The following POLE variants were observed in gnomAD, a reference collection of about 807,000 sequenced individuals.
POLE encodes DNA polymerase epsilon, catalytic subunit, also known as DNA polymerase epsilon catalytic subunit A.
Under a neutral mutation model 279.2 loss-of-function variants are expected in POLE, and 188 were observed. That is an observed-to-expected ratio of 0.67 (90% CI 0.60 to 0.76). The LOEUF (loss-of-function observed/expected upper bound fraction) is 0.76. Among genes scored for constraint, POLE ranks in the 30% least tolerant of loss-of-function variants. POLE has a pLI of 0.00. For missense variants in POLE, 2,703 were observed against 3,016.7 expected (o/e 0.90, Z 2.44); for synonymous variants, 1,214 against 1,172.5 (o/e 1.04, Z -0.72).
At chr12:132,653,281 G>T (rs932880914) in intron 29 of POLE, among the ~76,000 whole-genome samples, 6 of 152,164 alleles carry the variant, frequency 3.9e-5, no homozygotes, top group African/African-American at 1.4e-4. Context: ...AGGCTGAGGT[G>T]GGAGGATAAC....
chr12:132,637,950 G>A, intron 41 of POLE, 64 bp downstream of exon 41: 1 of 1,582,634 alleles, frequency 6.3e-7, no homozygotes, highest in Non-Finnish European at 8.6e-7. Context: ...TGGCACCTCA[G>A]GGGGTCATTT....
intron 1 of POLE, among the ~76,000 whole-genome samples, chr12:132,685,234 G>A (rs932655426): frequency 1.7e-4 from 25 of 149,880 alleles, no homozygotes; most frequent in Non-Finnish European, 3.2e-4. Context: ...GTATCACACC[G>A]TCCCAGTACT....
intron 38 of POLE, 79 bp downstream of exon 38, chr12:132,642,098 A>T: frequency 1.6e-6 from 2 of 1,270,138 alleles, no homozygotes; most frequent in Non-Finnish European, 2.2e-6. Context: ...CATCCTCGGC[A>T]CTATTGCCTT....
Position 132,642,738 on chromosome 12 carries a change from AG to A in POLE, c.4729-10del, listed in dbSNP as rs2042178117. 6.2e-7 allele frequency: 1 copy of A among 1,613,448 alleles called. No individual in the cohort carries two copies. Among genetic ancestry groups the A allele is most frequent in the Non-Finnish European group, 8.5e-7 (1 of 1,179,780 alleles). ...GGCCCCCGGCGCTCCTCCTGGGTCAAGGCAAAATGGAAGAAAAGACCTGGGT... is the reference window on the plus strand; with the variant it reads ...GGCCCCCGGCGCTCCTCCTGGGTCAAGCAAAATGGAAGAAAAGACCTGGGT... On this transcript the variant is annotated splice_polypyrimidine_tract_variant and intron_variant, in intron 36 of 48. Coordinates refer to ENST00000320574, the MANE Select transcript of POLE (RefSeq NM_006231.4).
Position 132,661,680 on chromosome 12 carries a change from C to A in POLE, c.2711G>T (p.Gly904Val), listed in dbSNP as rs1332965505. The part of the protein sequence containing the change: ...GAMLNIMVKE[G>V]FTNDQYQELA... ...CTCCTGGTACTGGTCATTGGTGAAG[C>A]CTTCCTGAGAAACAAGAGTGAAGAG... is the stretch of plus-strand genomic sequence containing the variant. Residue 904 changes from glycine (G) to valine (V), a missense_variant, in exon 24 of 49, where the codon GGC becomes GTC. By Grantham distance (109) the Gly-to-Val change is moderately radical. Transcript: ENST00000320574. This position sits in a 1 kb window ranked among gnomAD's most constrained non-coding sequence, Gnocchi z 4.1. The A allele has an allele frequency of 1.9e-6, 3 of 1,613,600 alleles. No individual in the cohort carries two copies. The highest frequency in any genetic ancestry group is 1.1e-5 in the South Asian group (1 of 90,960).
Position 132,639,441 on chromosome 12 carries a change from C to T in POLE, c.5379-143G>A. The T allele has an allele frequency of 2.9e-6, 2 of 684,200 alleles. No homozygotes were observed. 42.4% of individuals were successfully genotyped at this position (684,200 alleles called of 1,614,324 possible). ...ACTGTCGCCTCCCCTTCTCACTGTC[C>T]CCACCTTAAGTCACGGTCCAAATTT... On this transcript the variant is annotated intron_variant, in intron 39 of 48. Coordinates refer to ENST00000320574, the MANE Select transcript of POLE (RefSeq NM_006231.4). The surrounding 1 kb of genome is among the most constrained non-coding windows in gnomAD (Gnocchi z 4.7).
intron 16 of POLE, among the ~76,000 whole-genome samples, chr12:132,670,981 G>C (rs971146568): frequency 1.3e-5 from 2 of 152,128 alleles, no homozygotes; most frequent in South Asian, 2.1e-4. Context: ...TGTTTCTTGA[G>C]GGCAGGCACA....
chr12:132,624,462 C>T lies in POLE; in HGVS notation c.*235G>A, dbSNP rs2041789249. On this transcript the variant is annotated 3_prime_UTR_variant, in exon 49 of 49. Transcript: ENST00000320574. ...AGGGCACTCGCAGCCTCGCTCACGG[C>T]CTGCTTCTTCAGGTGCTCTGGCGAG... The T allele has an allele frequency of 1.7e-6, 1 of 584,138 alleles. No individual in the cohort carries two copies. The highest frequency in any genetic ancestry group is 1.9e-5 in the African/African-American group (1 of 53,720). The allele number at this position is 584,138 out of a possible 1,614,324, so 36.2% of individuals were successfully genotyped here.
rs1163439895 is a variant in POLE at position 132,639,964 on chromosome 12, A to G, written c.5379-666T>C. ...TGTCTCAAAAAACAAAAACAAAACA[A>G]AACAAAACAAAACAAAACAAAACAA... On this transcript the variant is annotated intron_variant, in intron 39 of 48. Coordinates refer to ENST00000320574, the MANE Select transcript of POLE (RefSeq NM_006231.4). The surrounding 1 kb of genome is among the most constrained non-coding windows in gnomAD (Gnocchi z 4.7). Among the ~76,000 whole-genome samples the G allele has an allele frequency of 1.4e-5, 2 of 145,016 alleles. No homozygotes were observed. Among genetic ancestry groups the G allele is most frequent in the African/African-American group, 2.8e-5 (1 of 35,568 alleles).
In POLE at chr12:132,624,095, C is replaced by A; in HGVS notation, c.*602G>T. On this transcript the variant is annotated 3_prime_UTR_variant, in exon 49 of 49. Transcript: ENST00000320574. ...AGGCTGATAGAGGGTTCCCTCTAGA[C>A]CCGGCTCCAAATAAGCAGGGCTCAC... is the stretch of plus-strand genomic sequence containing the variant. The A allele has an allele frequency of 4.7e-6, 1 of 210,668 alleles. No individual in the cohort carries two copies. Among genetic ancestry groups the A allele is most frequent in the African/African-American group, 2.3e-5 (1 of 43,996 alleles). The allele number at this position is 210,668 out of a possible 1,614,324, so 13.0% of individuals were successfully genotyped here. A position where few individuals can be genotyped will look rare whatever the true frequency, so the allele number is the denominator to read the frequency against.
intron 1 of POLE, 82 bp from the exon 2 acceptor site, chr12:132,681,361 T>C (rs1593088619): frequency 1.4e-6 from 2 of 1,445,672 alleles, no homozygotes; most frequent in South Asian, 2.7e-5. Flanking sequence ...TCTTTTTTTT[T>C]GAGACGGAGT....
chr12:132,626,316 A>AC lies in POLE; in HGVS notation c.6331dup (p.Val2111GlyfsTer14). On this transcript the variant is annotated frameshift_variant and splice_region_variant, in exon 46 of 49. Transcript: ENST00000320574. LOFTEE classifies it high-confidence loss of function. Reference sequence around the variant, plus strand: ...TGTGATGTTGGTGTCCAGGGACAGCACCTGCAGAGACCACAGCCCACATCG... The same window carrying AC: ...TGTGATGTTGGTGTCCAGGGACAGCACCCTGCAGAGACCACAGCCCACATCG... The AC allele has an allele frequency of 6.2e-7, 1 of 1,613,492 alleles. No homozygotes were observed. The highest frequency in any genetic ancestry group is 8.5e-7 in the Non-Finnish European group (1 of 1,180,018).
chr12:132,659,772 A>C, intron 25 of POLE: 1 of 412,414 alleles, frequency 2.4e-6, no homozygotes, highest in Non-Finnish European at 4.4e-6. Flanking sequence ...AACTCACTAA[A>C]ACCTCCCCTC....
At chr12:132,674,340 T>C (rs1241503616) in intron 12 of POLE, among the ~76,000 whole-genome samples, 1 of 151,838 alleles carries the variant, frequency 6.6e-6, no homozygotes, top group Non-Finnish European at 1.5e-5. Flanking sequence ...ACTTTACCTC[T>C]TGCCTTCAGT....
chr12:132,668,644 C>G lies in POLE; in HGVS notation c.2017G>C (p.Gly673Arg). Reference sequence around the variant, plus strand: ...GGCGGCCGACACTCACTGAACTCGCCCCTCCACTGCCAGGCCATCTTCCGC... The same window carrying G: ...GGCGGCCGACACTCACTGAACTCGCGCCTCCACTGCCAGGCCATCTTCCGC... ...CQRKMAWQWR[G>R]EFMPASRSEY... The change falls in exon 18 of 49, where the codon GGC becomes CGC. Residue 673 changes from glycine to arginine, a missense_variant. Physicochemically the swap from Gly to Arg is moderately radical, Grantham distance 125. This residue lies in a region of POLE where 1,011 missense variants were observed against 1,111.7 expected (regional missense o/e 0.91). Transcript: ENST00000320574. This position sits in a 1 kb window ranked among gnomAD's most constrained non-coding sequence, Gnocchi z 4.0. The G allele has an allele frequency of 6.2e-7, 1 of 1,612,388 alleles. No individual in the cohort carries two copies. Among genetic ancestry groups the G allele is most frequent in the Non-Finnish European group, 8.5e-7 (1 of 1,178,624 alleles).
At position 132,661,336 on chromosome 12, in the gene POLE, T is replaced by G. The variant is rs1217314930; in HGVS notation, c.2865-172A>C. 6.6e-6 allele frequency among the ~76,000 whole-genome samples: 1 copy of G among 152,120 alleles called. No homozygotes were observed. The highest frequency in any genetic ancestry group is 1.5e-5 in the Non-Finnish European group (1 of 68,032). On this transcript the variant is annotated intron_variant, in intron 24 of 48. Coordinates refer to ENST00000320574, the MANE Select transcript of POLE (RefSeq NM_006231.4). The surrounding 1 kb of genome is among the most constrained non-coding windows in gnomAD (Gnocchi z 4.1). The stretch of plus-strand genomic sequence containing the variant: ...ACTGCTTCTCTAAAAGGAAAATGGC[T>G]GAAGGGCCTGCAGCCACAGAGCCAG...
chr12:132,670,271 G>A (rs894401422), intron 16 of POLE, among the ~76,000 whole-genome samples: 1 of 151,494 alleles, frequency 6.6e-6, no homozygotes, highest in Admixed American at 6.6e-5. Flanking sequence ...AGCTACTCAG[G>A]AGGCTGAGGC....
At chr12:132,655,328 A>C (rs1167714097) in intron 29 of POLE, among the ~76,000 whole-genome samples, 1 of 151,008 alleles carries the variant, frequency 6.6e-6, no homozygotes, top group Non-Finnish European at 1.5e-5. Context: ...TTTTTTTCTT[A>C]AATTTCCAAA....
At chr12:132,625,026 C>T in intron 47 of POLE, 32 bp from the exon 48 acceptor site, 2 of 1,562,138 alleles carry the variant, frequency 1.3e-6, no homozygotes, top group Non-Finnish European at 1.8e-6. Context: ...GGGCGCCAGC[C>T]CTCCCGCGCT....
Sources: allele counts gnomAD v4.1 joint callset (sites outside exome capture counted in the v4.1 genomes callset), GRCh38; gene constraint gnomAD v4.1.1; regional missense constraint gnomAD v4.1.1; non-coding constraint Gnocchi (gnomAD v3.1); transcripts MANE v1.5; gene names NCBI Gene and HGNC (gene_info 2026-07-23, HGNC 2026-07-21).